Variants in KLF13 observed in about 807,000 individuals in gnomAD.
The protein encoded by KLF13 is KLF transcription factor 13.
KLF13 carries 8 observed loss-of-function variants against 16.7 expected under a neutral mutation model. The ratio of observed to expected loss-of-function variants is 0.48; its 90% CI spans 0.28 to 0.87. The LOEUF (loss-of-function observed/expected upper bound fraction) is 0.87. Among genes scored for constraint, KLF13 ranks in the 40% least tolerant of loss-of-function variants. The pLI is 0.10. For synonymous variants in KLF13, 245 were observed against 208.4 expected (o/e 1.18, Z -1.51); for missense variants, 447 against 452.2 (o/e 0.99, Z 0.10).
chr15:31,334,380 C>CAA (rs962988151), intron 1 of KLF13, among the ~76,000 whole-genome samples: 5 of 151,956 alleles, frequency 3.3e-5, no homozygotes, highest in African/African-American at 9.7e-5. Flanking sequence ...AAGAAATAAA[C>CAA]AAAAATTGTC....
At chr15:31,397,371 G>T (rs1434195371) in intron 2 of KLF13, among the ~76,000 whole-genome samples, 1 of 152,238 alleles carries the variant, frequency 6.6e-6, no homozygotes, top group African/African-American at 2.4e-5. Flanking sequence ...GAGAGCCGCC[G>T]ACCCCGCCCA....
In KLF13 at chr15:31,375,878, A is replaced by G. The variant is rs2039636054; in HGVS notation, c.*3579A>G. 6.6e-6 allele frequency: 1 copy of G among 152,276 alleles called. No homozygotes were observed. The highest frequency in any genetic ancestry group is 2.4e-5 in the African/African-American group (1 of 41,444). 9.4% of individuals were successfully genotyped at this position (152,276 alleles called of 1,614,324 possible). On this transcript the variant is annotated 3_prime_UTR_variant, in exon 2 of 2. Coordinates refer to ENST00000307145, the MANE Select transcript of KLF13 (RefSeq NM_015995.4). ...CCCCCACCCACGACACTCGAGTGCAAGATCGCCTCACTCCTAACCCTGACT... is the reference window on the plus strand; with the variant it reads ...CCCCCACCCACGACACTCGAGTGCAGGATCGCCTCACTCCTAACCCTGACT...
chr15:31,368,368 C>T (rs1316031435), intron 1 of KLF13, among the ~76,000 whole-genome samples: 1 of 152,124 alleles, frequency 6.6e-6, no homozygotes, highest in African/African-American at 2.4e-5. Context: ...TGTGAATCTC[C>T]AAGAGTGGAA....
intron 1 of KLF13, chr15:31,340,055 G>T: frequency 2.8e-6 from 2 of 702,364 alleles, no homozygotes; most frequent in Non-Finnish European, 2.6e-6. Flanking sequence ...TGCCCTGGTG[G>T]GTGGTGTGTC....
intron 1 of KLF13, among the ~76,000 whole-genome samples, chr15:31,417,236 G>A (rs1470861775): frequency 1.3e-5 from 2 of 152,094 alleles, no homozygotes; most frequent in African/African-American, 2.4e-5. Context: ...GCTCATGGCT[G>A]TAATCCCCAG....
chr15:31,430,478 G>A (rs1039152160), intron 1 of KLF13, among the ~76,000 whole-genome samples: 3 of 152,120 alleles, frequency 2.0e-5, no homozygotes, highest in East Asian at 1.9e-4. Flanking sequence ...GCTGCATCAC[G>A]ACATGTTGGA....
At chr15:31,381,390 G>A (rs1372380792), downstream of KLF13, among the ~76,000 whole-genome samples, 1 of 152,062 alleles carries the variant, frequency 6.6e-6, no homozygotes, top group Non-Finnish European at 1.5e-5. Flanking sequence ...ACGTTCCTTG[G>A]CTTGTGGCCT....
At chr15:31,330,786 C>T (rs567651453) in intron 1 of KLF13, among the ~76,000 whole-genome samples, 9 of 152,332 alleles carry the variant, frequency 5.9e-5, no homozygotes, top group East Asian at 3.9e-4. Flanking sequence ...AACACAAAAC[C>T]AAGAAAAACA....
downstream of KLF13, among the ~76,000 whole-genome samples, chr15:31,405,032 T>G (rs1401729076): frequency 1.3e-5 from 2 of 152,176 alleles, no homozygotes; most frequent in South Asian, 4.1e-4. Flanking sequence ...ATGCTGTAGA[T>G]GGAACCATGT....
intron 2 of KLF13, among the ~76,000 whole-genome samples, chr15:31,397,679 A>G (rs910149283): frequency 6.6e-6 from 1 of 152,046 alleles, no homozygotes; most frequent in African/African-American, 2.4e-5. Context: ...TAAATGAGCT[A>G]CTCTTTGTAC....
chr15:31,402,459 A>G (rs935027373), intron 2 of KLF13, among the ~76,000 whole-genome samples: 1 of 152,234 alleles, frequency 6.6e-6, no homozygotes, highest in African/African-American at 2.4e-5. Context: ...CCAGTGACAA[A>G]GGCCCAGAGA....
At chr15:31,394,300 C>G (rs1305852265) in intron 2 of KLF13, among the ~76,000 whole-genome samples, 1 of 151,782 alleles carries the variant, frequency 6.6e-6, no homozygotes, top group African/African-American at 2.4e-5. Flanking sequence ...CACGGTGAAA[C>G]CCCGTCTCTA....
chr15:31,350,252 T>A (rs1400804402), intron 1 of KLF13, among the ~76,000 whole-genome samples: 1 of 152,160 alleles, frequency 6.6e-6, no homozygotes, highest in Non-Finnish European at 1.5e-5. Context: ...AGGATGAAGC[T>A]TTGGGATTGG....
chr15:31,433,334 C>T (rs2040494560), intron 1 of KLF13, among the ~76,000 whole-genome samples: 1 of 152,098 alleles, frequency 6.6e-6, no homozygotes, highest in Admixed American at 6.5e-5. Context: ...GCAGTTTCTC[C>T]ACACACATGA....
chr15:31,379,184 G>A (rs112636309), downstream of KLF13, among the ~76,000 whole-genome samples: 63 of 152,338 alleles, frequency 4.1e-4, no homozygotes, highest in African/African-American at 1.4e-3. Flanking sequence ...AGACTGGGGG[G>A]AGGGAGGCGT....
chr15:31,340,380 C>T (rs1196093107), intron 1 of KLF13, among the ~76,000 whole-genome samples: 1 of 152,256 alleles, frequency 6.6e-6, no homozygotes, highest in Non-Finnish European at 1.5e-5. Flanking sequence ...GCCTCCTGGC[C>T]TTTCCAGGTT....
intron 2 of KLF13, chr15:31,393,823 G>A (rs2039911663): frequency 6.6e-6 from 1 of 152,276 alleles, no homozygotes; most frequent in Non-Finnish European, 1.5e-5. Context: ...AGCAAACAGA[G>A]GCCTCTATGG....
chr15:31,349,909 G>A (rs1458851095), intron 1 of KLF13, among the ~76,000 whole-genome samples: 1 of 152,226 alleles, frequency 6.6e-6, no homozygotes. Flanking sequence ...ACATGAAGTT[G>A]AATGGTATAA....
intron 1 of KLF13, among the ~76,000 whole-genome samples, chr15:31,341,776 A>C (rs996973129): frequency 1.3e-5 from 2 of 152,120 alleles, no homozygotes; most frequent in Non-Finnish European, 2.9e-5. Context: ...CCCCCTTCCC[A>C]GAGTCACCCT....
Sources: allele counts gnomAD v4.1 joint callset (sites outside exome capture counted in the v4.1 genomes callset), GRCh38; gene constraint gnomAD v4.1.1; transcripts MANE v1.5; gene names NCBI Gene and HGNC (gene_info 2026-07-23, HGNC 2026-07-21).